TSPAN5: variants seen among roughly 807,000 people sequenced by gnomAD.
The protein encoded by TSPAN5 is tetraspanin 5, also known as tetraspanin-5.
In TSPAN5, 10 loss-of-function variants were observed where a neutral mutation model predicts 37.1. The observed-to-expected ratio is 0.27, with a 90% CI of 0.17 to 0.46. The LOEUF (loss-of-function observed/expected upper bound fraction) is 0.46. Among genes scored for constraint, TSPAN5 ranks in the 20% least tolerant of loss-of-function variants. TSPAN5 has a pLI of 1.00. For missense variants in TSPAN5, 195 were observed against 326.6 expected (o/e 0.60, Z 3.11); for synonymous variants, 110 against 118.9 (o/e 0.93, Z 0.48).
rs1757343732 is a variant in TSPAN5, at chr4:98,658,588, T to C, written c.-362A>G. On this transcript the variant is annotated 5_prime_UTR_variant, in exon 1 of 8. Transcript: ENST00000305798. ...TTCGGGCAAAGGCGGCCGCGGCAGA[T>C]GCTGGTGGAGACGCCGCTCGCTTGC... 1 of 157,220 alleles carries C rather than the reference T, an allele frequency of 6.4e-6. No homozygotes were observed. The highest frequency in any genetic ancestry group is 1.4e-5 in the Non-Finnish European group (1 of 71,788). 9.7% of individuals were successfully genotyped at this position (157,220 alleles called of 1,614,324 possible). A position where few individuals can be genotyped will look rare whatever the true frequency, so the allele number is the denominator to read the frequency against.
intron 1 of TSPAN5, among the ~76,000 whole-genome samples, chr4:98,576,127 A>G (rs983488588): frequency 3.9e-5 from 6 of 152,126 alleles, no homozygotes; most frequent in African/African-American, 1.4e-4. Flanking sequence ...CTGATAACTT[A>G]GGTTATTCTG....
chr4:98,586,837 GAGTT>G lies in TSPAN5; in HGVS notation c.81+71305_81+71308del, dbSNP rs1427257986. Among the ~76,000 whole-genome samples the G allele has an allele frequency of 2.6e-5, 4 of 152,224 alleles. No homozygotes were observed. The East Asian group carries it at 7.7e-4, about 29-fold the overall frequency. Reference sequence around the variant, plus strand: ...CCCTTGCCAACTCTTCACACAGTGAGAGTTAGAGTTCCCATTCTCATATTCCCAC... The same window carrying G: ...CCCTTGCCAACTCTTCACACAGTGAGAGAGTTCCCATTCTCATATTCCCAC... On this transcript the variant is annotated intron_variant, in intron 1 of 7. Coordinates refer to ENST00000305798, the MANE Select transcript of TSPAN5 (RefSeq NM_005723.4).
chr4:98,581,490 C>T (rs1197324003), intron 1 of TSPAN5, among the ~76,000 whole-genome samples: 1 of 152,214 alleles, frequency 6.6e-6, no homozygotes, highest in Non-Finnish European at 1.5e-5. Context: ...CAACTCTGCT[C>T]TTGTCTCCTT....
chr4:98,491,757 G>A (rs995298956), intron 2 of TSPAN5, among the ~76,000 whole-genome samples: 5 of 151,848 alleles, frequency 3.3e-5, no homozygotes, highest in African/African-American at 4.8e-5. Context: ...ATGATAGGGA[G>A]TTGACTGTTC....
At chr4:98,657,883 T>C (rs1402211261) in intron 1 of TSPAN5, among the ~76,000 whole-genome samples, 1 of 152,090 alleles carries the variant, frequency 6.6e-6, no homozygotes, top group East Asian at 1.9e-4. Context: ...GCATCCCTGC[T>C]ATTCGTTCCT....
At chr4:98,625,934 T>C (rs1423653089) in intron 1 of TSPAN5, among the ~76,000 whole-genome samples, 2 of 152,236 alleles carry the variant, frequency 1.3e-5, no homozygotes, top group African/African-American at 2.4e-5. Flanking sequence ...AGTTGAGTAC[T>C]ATGTTTATGA....
intron 1 of TSPAN5, among the ~76,000 whole-genome samples, chr4:98,611,870 C>T (rs2110235357): frequency 6.6e-6 from 1 of 152,372 alleles, no homozygotes. Context: ...AGCTCCATCC[C>T]CTGGCCTGGG....
intron 1 of TSPAN5, among the ~76,000 whole-genome samples, chr4:98,657,204 T>A (rs1757311025): frequency 6.6e-6 from 1 of 152,044 alleles, no homozygotes; most frequent in Admixed American, 6.6e-5. Flanking sequence ...AGGAAAAGAA[T>A]CAAAACAAAC....
At chr4:98,607,031 G>C (rs1428092483) in intron 1 of TSPAN5, among the ~76,000 whole-genome samples, 3 of 152,100 alleles carry the variant, frequency 2.0e-5, no homozygotes, top group African/African-American at 7.2e-5. Flanking sequence ...GTTGGGGGAA[G>C]GGAGCAGCCG....
At chr4:98,631,203 C>A (rs1035190849) in intron 1 of TSPAN5, among the ~76,000 whole-genome samples, 1 of 152,154 alleles carries the variant, frequency 6.6e-6, no homozygotes, top group Non-Finnish European at 1.5e-5. Context: ...ACAAGGCCTG[C>A]GCATCTCCTA....
intron 1 of TSPAN5, among the ~76,000 whole-genome samples, chr4:98,525,400 G>A (rs888655074): frequency 1.8e-4 from 28 of 152,150 alleles, no homozygotes; most frequent in Admixed American, 5.2e-4. Flanking sequence ...TAGGTGAACC[G>A]AACTGAAGTG....
chr4:98,653,197 C>T (rs1362329548), intron 1 of TSPAN5, among the ~76,000 whole-genome samples: 1 of 152,086 alleles, frequency 6.6e-6, no homozygotes, highest in Admixed American at 6.5e-5. Context: ...TATCATCATT[C>T]CAGAACATCT....
intron 1 of TSPAN5, among the ~76,000 whole-genome samples, chr4:98,618,898 C>T (rs976283061): frequency 1.3e-5 from 2 of 152,112 alleles, no homozygotes; most frequent in East Asian, 1.9e-4. Context: ...GTGCAGAAGC[C>T]GGGGGACAAG....
At chr4:98,580,995 A>C (rs1755357135) in intron 1 of TSPAN5, among the ~76,000 whole-genome samples, 1 of 152,076 alleles carries the variant, frequency 6.6e-6, no homozygotes, top group Non-Finnish European at 1.5e-5. Context: ...AAAGTTAATA[A>C]CTCCAATCTG....
intron 1 of TSPAN5, among the ~76,000 whole-genome samples, chr4:98,619,140 C>T (rs1756418616): frequency 1.3e-5 from 2 of 152,202 alleles, no homozygotes; most frequent in African/African-American, 4.8e-5. Flanking sequence ...AATCCACGAG[C>T]ACACACACAA....
chr4:98,588,267 C>T (rs550175052), intron 1 of TSPAN5, among the ~76,000 whole-genome samples: 1 of 151,986 alleles, frequency 6.6e-6, no homozygotes, highest in Non-Finnish European at 1.5e-5. Flanking sequence ...TTAAATGAGC[C>T]AAGTGTGCCG....
chr4:98,576,033 C>CACTCCAGCCTGGTGGACAGAGCGAG (rs1351117354), intron 1 of TSPAN5, among the ~76,000 whole-genome samples: 1 of 152,122 alleles, frequency 6.6e-6, no homozygotes, highest in Non-Finnish European at 1.5e-5. Context: ...GGCACCACTG[C>CACTCCAGCCTGGTGGACAGAGCGAG]ACTCCAGCCT....
intron 1 of TSPAN5, among the ~76,000 whole-genome samples, chr4:98,638,177 A>G (rs948055326): frequency 3.9e-5 from 6 of 152,158 alleles, no homozygotes; most frequent in Non-Finnish European, 5.9e-5. Context: ...CCCTGCCACC[A>G]TAACACTGGA....
At chr4:98,557,825 C>T (rs1754786955) in intron 1 of TSPAN5, among the ~76,000 whole-genome samples, 1 of 152,170 alleles carries the variant, frequency 6.6e-6, no homozygotes, top group East Asian at 1.9e-4. Context: ...GTGGGTCTTC[C>T]CCTAGTCTAA....
Sources: gnomAD v4.1 joint callset for allele counts (sites outside exome capture counted in the v4.1 genomes callset) on GRCh38, gnomAD v4.1.1 for gene constraint, MANE v1.5 for transcripts, NCBI Gene and HGNC (gene_info 2026-07-23, HGNC 2026-07-21) for gene names.